Variants in FOXJ3 observed in about 807,000 individuals in gnomAD.
The protein encoded by FOXJ3 is forkhead box J3.
FOXJ3 carries 22 observed loss-of-function variants against 76.1 expected under a neutral mutation model. That is an observed-to-expected ratio of 0.29 (90% CI 0.21 to 0.41). FOXJ3 has a LOEUF of 0.41. Among genes scored for constraint, FOXJ3 ranks in the 10% least tolerant of loss-of-function variants. The probability of loss-of-function intolerance (pLI) is 1.00; values close to 1 mark genes in which losing one functional copy is unlikely to be tolerated. For synonymous variants in FOXJ3, 269 were observed against 261.2 expected (o/e 1.03, Z -0.29); for missense variants, 613 against 762.1 (o/e 0.80, Z 2.30).
At chr1:42,198,978 A>T in intron 7 of FOXJ3, 124 bp downstream of exon 7, 1 of 717,884 alleles carries the variant, frequency 1.4e-6, no homozygotes, top group Non-Finnish European at 2.3e-6. Flanking sequence ...CTACTTACTA[A>T]GTTAATAAAT....
intron 2 of FOXJ3, among the ~76,000 whole-genome samples, chr1:42,291,118 T>C (rs942794955): frequency 1.9e-4 from 24 of 129,698 alleles, no homozygotes; most frequent in African/African-American, 6.8e-4. Flanking sequence ...CCACAGTCAC[T>C]TAATTTTTGA....
chr1:42,294,762 C>CAAAAAAAAAAAAAAAAAAAAAAAAA (rs5773766), intron 2 of FOXJ3, among the ~76,000 whole-genome samples: 1 of 105,684 alleles, frequency 9.5e-6, no homozygotes, highest in African/African-American at 3.8e-5. Flanking sequence ...AACTTGGTCT[C>CAAAAAAAAAAAAAAAAAAAAAAAAA]AAAAAAAAAA....
At chr1:42,229,530 G>C (rs1647889132) in intron 4 of FOXJ3, among the ~76,000 whole-genome samples, 1 of 152,076 alleles carries the variant, frequency 6.6e-6, no homozygotes, top group African/African-American at 2.4e-5. Flanking sequence ...CTCAGATTCT[G>C]GTCTATGTAG....
chr1:42,190,147 A>G (rs2124186350), intron 9 of FOXJ3, among the ~76,000 whole-genome samples: 1 of 152,342 alleles, frequency 6.6e-6, no homozygotes. Flanking sequence ...ACCAGTCATT[A>G]GTCAGAGGCC....
At chr1:42,200,534 A>C (rs540595181) in intron 6 of FOXJ3, among the ~76,000 whole-genome samples, 2 of 152,162 alleles carry the variant, frequency 1.3e-5, no homozygotes, top group Admixed American at 6.5e-5. Flanking sequence ...GCTGGAGTGC[A>C]ATGGTGCGAT....
intron 5 of FOXJ3, among the ~76,000 whole-genome samples, chr1:42,211,203 T>C (rs1282975622): frequency 2.6e-5 from 4 of 152,148 alleles, no homozygotes; most frequent in Non-Finnish European, 4.4e-5. Context: ...CCCATGGAGC[T>C]TGGCATGGGT....
chr1:42,196,062 C>T (rs751130595), intron 7 of FOXJ3, among the ~76,000 whole-genome samples: 7 of 152,222 alleles, frequency 4.6e-5, no homozygotes, highest in Admixed American at 2.0e-4. Flanking sequence ...CTGAGTGAGG[C>T]ATGGGACTTT....
At chr1:42,267,920 CCAAA>C (rs1398758819) in intron 3 of FOXJ3, among the ~76,000 whole-genome samples, 4 of 151,806 alleles carry the variant, frequency 2.6e-5, no homozygotes, top group African/African-American at 9.7e-5. Flanking sequence ...ACAGAAATTT[CCAAA>C]CAGAGACTGG....
intron 4 of FOXJ3, among the ~76,000 whole-genome samples, chr1:42,263,240 C>T (rs760032282): frequency 1.3e-5 from 2 of 152,018 alleles, no homozygotes; most frequent in Non-Finnish European, 2.9e-5. Context: ...TAAGAGTCTC[C>T]AATTGGTTAA....
At chr1:42,203,517 A>G (rs1646801903) in intron 6 of FOXJ3, among the ~76,000 whole-genome samples, 1 of 152,188 alleles carries the variant, frequency 6.6e-6, no homozygotes, top group Admixed American at 6.5e-5. Flanking sequence ...TTTTTCTCAG[A>G]TATCAAGTTG....
At chr1:42,228,316 TA>T (rs1557655047) in intron 4 of FOXJ3, among the ~76,000 whole-genome samples, 2 of 152,156 alleles carry the variant, frequency 1.3e-5, no homozygotes, top group Non-Finnish European at 2.9e-5. Flanking sequence ...AAAGATACTG[TA>T]GTTTCTATAG....
At chr1:42,189,504 C>A in intron 9 of FOXJ3, 100 bp from the exon 10 acceptor site, 6 of 777,854 alleles carry the variant, frequency 7.7e-6, no homozygotes, top group Non-Finnish European at 1.3e-5. Context: ...TTGGCTGATT[C>A]TTGTCCCGTC....
At chr1:42,244,350 A>C (rs928561695) in intron 4 of FOXJ3, among the ~76,000 whole-genome samples, 1 of 152,134 alleles carries the variant, frequency 6.6e-6, no homozygotes, top group African/African-American at 2.4e-5. Flanking sequence ...TCTCATCTCT[A>C]AAAGAATATT....
intron 4 of FOXJ3, among the ~76,000 whole-genome samples, chr1:42,263,507 C>G (rs1281206807): frequency 6.6e-6 from 1 of 152,046 alleles, no homozygotes; most frequent in Non-Finnish European, 1.5e-5. Flanking sequence ...TAATAAGCCT[C>G]CTTTCCTTTA....
At chr1:42,235,180 G>A (rs559887978) in intron 4 of FOXJ3, among the ~76,000 whole-genome samples, 5 of 152,282 alleles carry the variant, frequency 3.3e-5, no homozygotes, top group South Asian at 2.1e-4. Flanking sequence ...GCAAGGCTCC[G>A]TGGGCGTAGG....
intron 5 of FOXJ3, among the ~76,000 whole-genome samples, chr1:42,223,862 T>C (rs886802104): frequency 2.6e-5 from 4 of 152,208 alleles, no homozygotes; most frequent in African/African-American, 4.8e-5. Context: ...GGAAGAATAA[T>C]GTAGTTGTAG....
intron 8 of FOXJ3, among the ~76,000 whole-genome samples, chr1:42,192,059 C>T (rs1317832480): frequency 6.6e-6 from 1 of 152,144 alleles, no homozygotes; most frequent in Non-Finnish European, 1.5e-5. Context: ...AGTGCCTGAA[C>T]TGAGTCTTGA....
intron 3 of FOXJ3, among the ~76,000 whole-genome samples, chr1:42,267,529 G>A (rs920833374): frequency 3.3e-5 from 5 of 151,984 alleles, no homozygotes; most frequent in Non-Finnish European, 7.4e-5. Flanking sequence ...TTAACTCAAC[G>A]TCTACCATTC....
rs575822123 is a variant in FOXJ3, at chr1:42,191,374, T to A, written c.1280A>T (p.His427Leu). The A allele has an allele frequency of 6.3e-7, 1 of 1,594,468 alleles. No individual in the cohort carries two copies. The highest frequency in any genetic ancestry group is 1.7e-5 in the Admixed American group (1 of 59,470). ...HPSPHQHIQH[H>L]PNHQHQTLTH... ...TAACGTCTGATGCTGATGGTTCGGA[T>A]GGTGCTGTATGTGTTGATGTGGAGA... Residue 427 changes from histidine (H) to leucine (L), a missense_variant, in exon 9 of 13, where the codon CAT (histidine) becomes CTT (leucine). Transcript: ENST00000361346.
Sources: allele counts gnomAD v4.1 joint callset (sites outside exome capture counted in the v4.1 genomes callset), GRCh38; gene constraint gnomAD v4.1.1; transcripts MANE v1.5; gene names NCBI Gene and HGNC (gene_info 2026-07-23, HGNC 2026-07-21).